PTPRD: variants seen among roughly 807,000 people sequenced by gnomAD.
The protein encoded by PTPRD is protein tyrosine phosphatase receptor type D.
In PTPRD, 34 loss-of-function variants were observed where a neutral mutation model predicts 214.5. The ratio of observed to expected loss-of-function variants is 0.16; its 90% CI spans 0.12 to 0.21. PTPRD has a LOEUF of 0.21. PTPRD is among the 10% of genes least tolerant of loss of function. The probability of loss-of-function intolerance (pLI) is 1.00; values close to 1 mark genes in which losing one functional copy is unlikely to be tolerated. For missense variants in PTPRD, 2,545 were observed against 2,398.7 expected, an observed-to-expected ratio of 1.06 and a Z score of -1.27; for synonymous variants, 1,128 against 845.7, an observed-to-expected ratio of 1.33 and a Z score of -5.79.
intron 2 of PTPRD, among the ~76,000 whole-genome samples, chr9:10,501,117 T>C (rs1034656365): frequency 6.6e-6 from 1 of 151,914 alleles, no homozygotes; most frequent in Non-Finnish European, 1.5e-5. Context: ...AACTTCCAAA[T>C]TGTTCTTCTT....
At chr9:9,748,286 T>C (rs1283081123) in intron 6 of PTPRD, among the ~76,000 whole-genome samples, 2 of 152,212 alleles carry the variant, frequency 1.3e-5, no homozygotes, top group African/African-American at 4.8e-5. Flanking sequence ...TACACTAAAA[T>C]CTTTGCATAT....
intron 9 of PTPRD, among the ~76,000 whole-genome samples, chr9:9,193,798 G>C (rs1223537110): frequency 1.3e-5 from 2 of 152,030 alleles, no homozygotes; most frequent in Admixed American, 6.6e-5. Context: ...TGAAGGCCTA[G>C]GACATTACTG....
At chr9:9,807,125 C>A (rs1565413451) in intron 5 of PTPRD, among the ~76,000 whole-genome samples, 1 of 152,084 alleles carries the variant, frequency 6.6e-6, no homozygotes, top group Admixed American at 6.6e-5. Flanking sequence ...ACTTTCACTC[C>A]CGCTGCAAAA....
chr9:8,835,346 A>G (rs1321294305), intron 11 of PTPRD, among the ~76,000 whole-genome samples: 1 of 152,220 alleles, frequency 6.6e-6, no homozygotes, highest in African/African-American at 2.4e-5. Flanking sequence ...GCTTTTCAAA[A>G]GAGTTGAATA....
chr9:9,404,340 G>A (rs946245209), intron 8 of PTPRD, among the ~76,000 whole-genome samples: 2 of 152,116 alleles, frequency 1.3e-5, no homozygotes, highest in Non-Finnish European at 2.9e-5. Flanking sequence ...GCAAGAGCTG[G>A]TAGTGGTTTA....
rs1371903924 is a variant in PTPRD at position 8,315,238 on chromosome 9, T to A, written c.*2636A>T. The A allele has an allele frequency of 4.3e-6, 1 of 232,640 alleles. No individual in the cohort carries two copies. Among genetic ancestry groups the A allele is most frequent in the Non-Finnish European group, 8.5e-6 (1 of 117,414 alleles). 14.4% of individuals were successfully genotyped at this position (232,640 alleles called of 1,614,324 possible). ...TAGGAACAGCTCCTGAACAGTAAGA[T>A]TCCCGCAATAGTCTCCGCCTCGTTC... On this transcript the variant is annotated 3_prime_UTR_variant, in exon 46 of 46. Transcript: ENST00000381196.
At chr9:9,671,805 G>C (rs894896920) in intron 7 of PTPRD, among the ~76,000 whole-genome samples, 1 of 152,138 alleles carries the variant, frequency 6.6e-6, no homozygotes, top group Non-Finnish European at 1.5e-5. Context: ...ATGTAGAACT[G>C]TAAGTCTAAT....
intron 3 of PTPRD, among the ~76,000 whole-genome samples, chr9:10,323,508 G>A (rs1339576409): frequency 6.6e-6 from 1 of 151,272 alleles, no homozygotes; most frequent in East Asian, 2.0e-4. Flanking sequence ...GTCTCACTGT[G>A]TTTCTCAGAC....
At chr9:8,672,393 A>G (rs1011932738) in intron 12 of PTPRD, among the ~76,000 whole-genome samples, 9 of 152,096 alleles carry the variant, frequency 5.9e-5, no homozygotes, top group Admixed American at 5.2e-4. Context: ...CACTACACAT[A>G]TCTACAAAAC....
chr9:9,252,294 T>C (rs1324410344), intron 9 of PTPRD, among the ~76,000 whole-genome samples: 1 of 152,040 alleles, frequency 6.6e-6, no homozygotes, highest in African/African-American at 2.4e-5. Flanking sequence ...ATGTCCCTTT[T>C]TGTATCAGGA....
At chr9:8,376,233 G>A in intron 38 of PTPRD, 143 bp from the exon 39 acceptor site, 1 of 992,478 alleles carries the variant, frequency 1.0e-6, no homozygotes, top group Non-Finnish European at 1.4e-6. Context: ...ACACTCTTTG[G>A]AAATAGAAAC....
intron 11 of PTPRD, among the ~76,000 whole-genome samples, chr9:8,959,286 T>C (rs1401884790): frequency 1.3e-5 from 2 of 151,944 alleles, no homozygotes; most frequent in African/African-American, 4.8e-5. Context: ...GGAAACATAA[T>C]GGGGAAACAA....
chr9:9,094,089 C>A (rs2099780080), intron 10 of PTPRD, among the ~76,000 whole-genome samples: 1 of 152,060 alleles, frequency 6.6e-6, no homozygotes, highest in Non-Finnish European at 1.5e-5. Context: ...TTTTAAGAAA[C>A]AAAGTACCAA....
intron 3 of PTPRD, among the ~76,000 whole-genome samples, chr9:10,150,421 A>T (rs938649055): frequency 6.6e-6 from 1 of 152,108 alleles, no homozygotes; most frequent in Non-Finnish European, 1.5e-5. Flanking sequence ...ACAGAAAATC[A>T]AACACTGAAT....
chr9:9,235,174 G>A (rs2099965770), intron 9 of PTPRD, among the ~76,000 whole-genome samples: 1 of 152,112 alleles, frequency 6.6e-6, no homozygotes, highest in Non-Finnish European at 1.5e-5. Flanking sequence ...TGGGGGAAAA[G>A]CCCCTTATAA....
intron 8 of PTPRD, among the ~76,000 whole-genome samples, chr9:9,483,070 G>C (rs2095484752): frequency 6.6e-6 from 1 of 152,092 alleles, no homozygotes; most frequent in Non-Finnish European, 1.5e-5. Flanking sequence ...TTCAGAGTAT[G>C]ACTAAATGCT....
At chr9:8,770,431 T>C (rs932479773) in intron 11 of PTPRD, among the ~76,000 whole-genome samples, 1 of 152,080 alleles carries the variant, frequency 6.6e-6, no homozygotes, top group Non-Finnish European at 1.5e-5. Context: ...TGAAAAAATA[T>C]GTTCTATGAG....
intron 14 of PTPRD, among the ~76,000 whole-genome samples, chr9:8,598,408 C>T (rs1024185945): frequency 8.6e-5 from 13 of 151,930 alleles, no homozygotes; most frequent in African/African-American, 3.1e-4. Context: ...CTGCAGTGAG[C>T]CGAGATCATG....
chr9:9,467,977 C>A (rs1302022143), intron 8 of PTPRD, among the ~76,000 whole-genome samples: 1 of 152,056 alleles, frequency 6.6e-6, no homozygotes, highest in African/African-American at 2.4e-5. Flanking sequence ...AATTGTCCAA[C>A]TTTACTATTA....
Sources: gnomAD v4.1 joint callset for allele counts (sites outside exome capture counted in the v4.1 genomes callset) on GRCh38, gnomAD v4.1.1 for gene constraint, MANE v1.5 for transcripts, NCBI Gene and HGNC (gene_info 2026-07-23, HGNC 2026-07-21) for gene names.